XYLT1: variants seen among roughly 807,000 people sequenced by gnomAD.
XYLT1 encodes the protein xylosyltransferase 1.
XYLT1 carries 36 observed loss-of-function variants against 91.3 expected under a neutral mutation model. The observed-to-expected ratio is 0.39, with a 90% confidence interval of 0.30 to 0.52. The LOEUF is 0.52. Among genes scored for constraint, XYLT1 ranks in the 20% least tolerant of loss-of-function variants. The pLI is 0.68. For missense variants in XYLT1, 1,242 were observed against 1,284.5 expected, an observed-to-expected ratio of 0.97 and a Z score of 0.51; for synonymous variants, 588 against 532.0, an observed-to-expected ratio of 1.11 and a Z score of -1.45.
intron 1 of XYLT1, among the ~76,000 whole-genome samples, chr16:17,434,298 G>A (rs550505393): frequency 9.2e-5 from 14 of 152,294 alleles, no homozygotes; most frequent in Admixed American, 2.0e-4. Context: ...GGTGACAAGC[G>A]TGTCATCACC....
chr16:17,119,247 T>A (rs1285589755), intron 10 of XYLT1, among the ~76,000 whole-genome samples: 1 of 152,146 alleles, frequency 6.6e-6, no homozygotes, highest in Admixed American at 6.5e-5. Context: ...AAAAACTGAA[T>A]GAACTAGGGA....
intron 1 of XYLT1, among the ~76,000 whole-genome samples, chr16:17,379,760 C>CTT (rs1555501198): frequency 0.018 from 2,563 of 139,584 alleles, 57 homozygotes; most frequent in African/African-American, 0.065. Flanking sequence ...CTCTCTCTCT[C>CTT]TCTCACACAC....
intron 5 of XYLT1, among the ~76,000 whole-genome samples, chr16:17,165,959 T>C (rs913388227): frequency 5.3e-5 from 8 of 152,208 alleles, no homozygotes; most frequent in African/African-American, 7.2e-5. Context: ...ACTCACATCA[T>C]TGCACAGAAA....
intron 5 of XYLT1, among the ~76,000 whole-genome samples, chr16:17,160,042 T>C (rs1327044591): frequency 1.3e-5 from 2 of 152,230 alleles, no homozygotes; most frequent in African/African-American, 4.8e-5. Context: ...TCTGGGGTTA[T>C]AATAGAAGCT....
chr16:17,196,232 A>G (rs1045780192), intron 5 of XYLT1, among the ~76,000 whole-genome samples: 1 of 152,346 alleles, frequency 6.6e-6, no homozygotes, highest in Middle Eastern at 3.4e-3. Flanking sequence ...CTAGCTTTAA[A>G]GAGAGGTAGG....
At chr16:17,294,597 G>A (rs944627011) in intron 2 of XYLT1, among the ~76,000 whole-genome samples, 7 of 151,928 alleles carry the variant, frequency 4.6e-5, no homozygotes, top group African/African-American at 7.3e-5. Flanking sequence ...CAGGAGAATC[G>A]CAGCCACCCT....
intron 5 of XYLT1, 32 bp downstream of exon 5, chr16:17,198,180 C>A: frequency 6.2e-7 from 1 of 1,612,722 alleles, no homozygotes; most frequent in Non-Finnish European, 8.5e-7. Flanking sequence ...GGACGTCAGA[C>A]AAGACTGGCT....
chr16:17,390,706 G>A (rs1011167075), intron 1 of XYLT1, among the ~76,000 whole-genome samples: 1 of 152,174 alleles, frequency 6.6e-6, no homozygotes, highest in African/African-American at 2.4e-5. Flanking sequence ...AACCACCTTT[G>A]TAAAGCTAAT....
chr16:17,272,706 C>A (rs901715502), intron 2 of XYLT1, among the ~76,000 whole-genome samples: 1 of 152,172 alleles, frequency 6.6e-6, no homozygotes, highest in African/African-American at 2.4e-5. Context: ...GTAGCGGTCC[C>A]ATGGTCTCCA....
intron 2 of XYLT1, among the ~76,000 whole-genome samples, chr16:17,272,573 G>A (rs185355011): frequency 3.6e-4 from 55 of 152,128 alleles, no homozygotes; most frequent in Admixed American, 9.8e-4. Context: ...ACTTAATCTC[G>A]GCCCACATTT....
Position 17,117,682 on chromosome 16 carries a change from G to A in XYLT1, c.2521C>T (p.Pro841Ser). ...GGCTGCCTGTTCGAGAAGGTCAGAG[G>A]CGCAACGAGGAATTTGGTCTCTGCA... Reference protein sequence around the residue: ...PVAETKFLVAPLTFSNRQPIK... With the variant: ...PVAETKFLVASLTFSNRQPIK... Residue 841 changes from proline to serine, a missense_variant, in exon 11 of 12, where the codon CCT (proline) becomes TCT (serine). Physicochemically the swap from Pro to Ser is moderately conservative, Grantham distance 74. Around this residue, in one of 3 missense-constraint regions of XYLT1, gnomAD observed 511 missense variants for 497.0 expected, o/e 1.03. Transcript: ENST00000261381. 1 of 1,614,064 alleles carries A rather than the reference G, an allele frequency of 6.2e-7. No homozygotes were observed. The highest frequency in any genetic ancestry group is 8.5e-7 in the Non-Finnish European group (1 of 1,179,948).
intron 2 of XYLT1, among the ~76,000 whole-genome samples, chr16:17,326,277 C>T (rs1462329053): frequency 6.6e-6 from 1 of 152,208 alleles, no homozygotes; most frequent in Non-Finnish European, 1.5e-5. Flanking sequence ...TCTTGCAGAA[C>T]TGAAACTTTA....
intron 3 of XYLT1, among the ~76,000 whole-genome samples, chr16:17,213,874 C>T (rs1384091382): frequency 6.6e-6 from 1 of 152,192 alleles, no homozygotes; most frequent in East Asian, 1.9e-4. Context: ...GCCTCAGCCT[C>T]CCAAAGTGCT....
intron 2 of XYLT1, among the ~76,000 whole-genome samples, chr16:17,322,918 G>C (rs7204895): frequency 0.023 from 3,493 of 152,328 alleles, 131 homozygotes; most frequent in African/African-American, 0.079. Flanking sequence ...TGGCACAAAG[G>C]GGGTGCTTGA....
rs118007407 is a variant in XYLT1 at position 17,458,510 on chromosome 16, T to C, written c.363+11924A>G. On this transcript the variant is annotated intron_variant, in intron 1 of 11. Transcript: ENST00000261381. Reference sequence around the variant, plus strand: ...TGCAGACATCAGAGAGGGCCTCCAATGGGGAATTCCTTTCCAAGGGACCCA... The same window carrying C: ...TGCAGACATCAGAGAGGGCCTCCAACGGGGAATTCCTTTCCAAGGGACCCA... 4.7e-3 allele frequency among the ~76,000 whole-genome samples: 720 copies of C among 152,262 alleles called. 3 individuals carry two copies. The highest frequency in any genetic ancestry group is 7.7e-3 in the Non-Finnish European group (521 of 68,016).
At chr16:17,181,182 C>A (rs1446709440) in intron 5 of XYLT1, among the ~76,000 whole-genome samples, 1 of 152,166 alleles carries the variant, frequency 6.6e-6, no homozygotes, top group Non-Finnish European at 1.5e-5. Context: ...CTAGGGCTGT[C>A]TTCAAACAGC....
At chr16:17,169,396 A>G (rs139394545) in intron 5 of XYLT1, among the ~76,000 whole-genome samples, 1 of 152,356 alleles carries the variant, frequency 6.6e-6, no homozygotes, top group East Asian at 1.9e-4. Context: ...TTGTATTTGA[A>G]TGGACCGGCA....
intron 2 of XYLT1, among the ~76,000 whole-genome samples, chr16:17,335,346 T>C (rs1373259435): frequency 6.6e-6 from 1 of 150,384 alleles, no homozygotes; most frequent in African/African-American, 2.4e-5. Flanking sequence ...AATGAATGAA[T>C]TACTATCCAC....
At chr16:17,244,528 A>G (rs1198367272) in intron 3 of XYLT1, among the ~76,000 whole-genome samples, 1 of 152,184 alleles carries the variant, frequency 6.6e-6, no homozygotes, top group Non-Finnish European at 1.5e-5. Flanking sequence ...GCTGTCTATC[A>G]CAATTTAAAA....
Sources: gnomAD v4.1 joint callset for allele counts (sites outside exome capture counted in the v4.1 genomes callset) on GRCh38, gnomAD v4.1.1 for gene constraint, gnomAD v4.1.1 regional missense constraint, MANE v1.5 for transcripts, NCBI Gene and HGNC (gene_info 2026-07-23, HGNC 2026-07-21) for gene names.